Variants in GEN1 observed in about 807,000 individuals in gnomAD.
The protein encoded by GEN1 is flap endonuclease GEN homolog 1.
Under a neutral mutation model 67.6 loss-of-function variants are expected in GEN1, and 64 were observed. The observed-to-expected ratio is 0.95, with a 90% CI of 0.77 to 1.17. The LOEUF (loss-of-function observed/expected upper bound fraction) is 1.17, where lower values mean the gene tolerates loss of function less well. GEN1 is among the 50% of genes most tolerant of loss of function. The pLI is 0.00. For synonymous variants in GEN1, 371 were observed against 359.4 expected, an observed-to-expected ratio of 1.03 and a Z score of -0.37; for missense variants, 1,058 against 1,048.3, an observed-to-expected ratio of 1.01 and a Z score of -0.13.
chr2:17,766,178 C>G (rs1189340179), intron 4 of GEN1, among the ~76,000 whole-genome samples: 1 of 151,682 alleles, frequency 6.6e-6, no homozygotes, highest in African/African-American at 2.4e-5. Flanking sequence ...AACTTTTTTT[C>G]TTTTTTTGAG....
chr2:17,778,226 A>C, intron 12 of GEN1, among the ~76,000 whole-genome samples, 163 bp downstream of exon 12: 1 of 145,804 alleles, frequency 6.9e-6, no homozygotes, highest in African/African-American at 2.6e-5. Context: ...GTATACACAC[A>C]CATATATGTG....
At chr2:17,754,519 C>T (rs964658064) in intron 1 of GEN1, 174 bp downstream of exon 1, 1 of 152,210 alleles carries the variant, frequency 6.6e-6, no homozygotes, top group Admixed American at 6.5e-5. Flanking sequence ...CGACTTGGCC[C>T]CTGTTTTCCA....
upstream of GEN1, among the ~76,000 whole-genome samples, chr2:17,753,338 T>G (rs1671176387): frequency 6.6e-6 from 1 of 151,708 alleles, no homozygotes; most frequent in African/African-American, 2.4e-5. Context: ...GACGGCCGCC[T>G]GGGAGGGGAC....
At chr2:17,765,213 T>G in intron 4 of GEN1, 140 bp downstream of exon 4, 1 of 696,156 alleles carries the variant, frequency 1.4e-6, no homozygotes, top group South Asian at 2.0e-5. Context: ...CTTACTGTTA[T>G]TAAAAATCAT....
In GEN1 at chr2:17,781,336, T is replaced by G; in HGVS notation, c.2124T>G (p.Ile708Met). Reference sequence around the variant, plus strand: ...TACTTAGTGTAAAAGAATCTTGTATTGCTAACAGTGGTTCTGATTGTACAT... The same window carrying G: ...TACTTAGTGTAAAAGAATCTTGTATGGCTAACAGTGGTTCTGATTGTACAT... ...LSILSVKESCIANSGSDCTSH... is the reference protein window; with the variant it reads ...LSILSVKESCMANSGSDCTSH... Residue 708 changes from isoleucine to methionine, a missense_variant, in exon 14 of 14, where the codon ATT (isoleucine) becomes ATG (methionine). Physicochemically the swap from Ile to Met is conservative, Grantham distance 10. Coordinates refer to ENST00000381254, the MANE Select transcript of GEN1 (RefSeq NM_001130009.3). 1.2e-6 allele frequency: 2 copies of G among 1,613,822 alleles called. No individual in the cohort carries two copies. Among genetic ancestry groups the G allele is most frequent in the Non-Finnish European group, 1.7e-6 (2 of 1,179,768 alleles).
intron 13 of GEN1, 96 bp from the exon 14 acceptor site, chr2:17,780,525 T>C (rs770789752): frequency 2.6e-6 from 2 of 769,798 alleles, no homozygotes; most frequent in Admixed American, 3.0e-5. Flanking sequence ...AAACTATTCA[T>C]AGAGATTTCT....
chr2:17,783,696 G>A lies in GEN1; in HGVS notation c.*1757G>A, dbSNP rs760378093. On this transcript the variant is annotated 3_prime_UTR_variant, in exon 14 of 14. Transcript: ENST00000381254. ...GAGAATTCAGAAAAAAAGCCTTCAC[G>A]TTTATGGTCAGTTGATTTTAAACCA... 2 of 152,186 alleles carry A rather than the reference G, an allele frequency of 1.3e-5. No homozygotes were observed. The highest frequency in any genetic ancestry group is 6.5e-5 in the Admixed American group (1 of 15,278). The allele number at this position is 152,186 out of a possible 1,614,324, so 9.4% of individuals were successfully genotyped here. A position where few individuals can be genotyped will look rare whatever the true frequency, so the allele number is the denominator to read the frequency against.
In GEN1 at chr2:17,756,097, A is replaced by G. The variant is rs74642330; in HGVS notation, c.-16+1752A>G. ...TCAAATATTAAATACTAGATTACAG[A>G]TATTAGAATCTTGTAATGCATCTGG... On this transcript the variant is annotated intron_variant, in intron 1 of 13. Transcript: ENST00000381254. Among the ~76,000 whole-genome samples, 974 of 152,276 alleles carry G rather than the reference A, an allele frequency of 6.4e-3. 5 individuals carry two copies. The highest frequency in any genetic ancestry group is 0.022 in the African/African-American group (931 of 41,566).
Position 17,766,643 on chromosome 2 carries a change from C to T in GEN1, c.590C>T (p.Ala197Val). ...IKSKLGLDRD[A>V]LVGLAILLGC... is the part of the protein sequence containing the mutation. ...AGTAAACTAGGTTTGGATAGAGATG[C>T]TCTGGTTGGATTAGCAATACTTCTT... The change falls in exon 5 of 14, where the codon GCT (alanine) becomes GTT (valine). Residue 197 changes from alanine (A) to valine (V), a missense_variant. Coordinates refer to ENST00000381254, the MANE Select transcript of GEN1 (RefSeq NM_001130009.3). 1.2e-6 allele frequency: 2 copies of T among 1,609,186 alleles called. No individual in the cohort carries two copies. Among genetic ancestry groups the T allele is most frequent in the South Asian group, 2.2e-5 (2 of 90,840 alleles).
intron 1 of GEN1, among the ~76,000 whole-genome samples, chr2:17,759,337 C>T (rs938963204): frequency 2.0e-5 from 3 of 152,204 alleles, no homozygotes; most frequent in African/African-American, 4.8e-5. Context: ...ATGTCATGTA[C>T]GTGGAAAAAG....
intron 13 of GEN1, among the ~76,000 whole-genome samples, chr2:17,780,354 T>C (rs924096484): frequency 1.3e-5 from 2 of 152,256 alleles, no homozygotes; most frequent in African/African-American, 4.8e-5. Context: ...ATAATAGTTA[T>C]ACTGACTAGT....
At chr2:17,772,579 A>C (rs1300682282) in intron 7 of GEN1, 55 bp from the exon 8 acceptor site, 1 of 1,500,914 alleles carries the variant, frequency 6.7e-7, no homozygotes, top group East Asian at 2.3e-5. Flanking sequence ...GAATGTATGT[A>C]GAAAGTAATT....
chr2:17,777,957 A>G (rs1404253665), intron 11 of GEN1, 45 bp from the exon 12 acceptor site: 1 of 1,115,562 alleles, frequency 9.0e-7, no homozygotes, highest in East Asian at 2.4e-5. Flanking sequence ...AAAATTTCCA[A>G]ATATCTTATG....
chr2:17,778,266 G>A lies in GEN1; in HGVS notation c.1264+203G>A, dbSNP rs1480051175. Among the ~76,000 whole-genome samples, 7 of 101,392 alleles carry A rather than the reference G, an allele frequency of 6.9e-5. 3 individuals carry two copies. The highest frequency in any genetic ancestry group is 3.0e-4 in the Admixed American group (3 of 10,036). The allele number at this position is 101,392 out of a possible 152,430, so 66.5% of individuals were successfully genotyped here. ...CATATATGTATACACACATATGTGTGTACATATATGTATATACACACACAT... is the reference window on the plus strand; with the variant it reads ...CATATATGTATACACACATATGTGTATACATATATGTATATACACACACAT... On this transcript the variant is annotated intron_variant, in intron 12 of 13. Transcript: ENST00000381254.
At chr2:17,762,957 GAT>G (rs1273084620) in intron 3 of GEN1, among the ~76,000 whole-genome samples, 5 of 152,154 alleles carry the variant, frequency 3.3e-5, no homozygotes, top group African/African-American at 1.2e-4. Context: ...CAACAACAAA[GAT>G]ATTTAATATG....
intron 5 of GEN1, among the ~76,000 whole-genome samples, chr2:17,767,609 G>A (rs1350104811): frequency 6.6e-6 from 1 of 152,036 alleles, no homozygotes; most frequent in Non-Finnish European, 1.5e-5. Flanking sequence ...AGTAAAAGAC[G>A]ATTTCCTAAA....
intron 10 of GEN1, 62 bp from the exon 11 acceptor site, chr2:17,774,209 T>A: frequency 1.2e-6 from 1 of 869,558 alleles, no homozygotes; most frequent in Non-Finnish European, 1.7e-6. Flanking sequence ...TAATATCACC[T>A]AGGAGTGCTA....
intron 1 of GEN1, among the ~76,000 whole-genome samples, chr2:17,756,525 A>G (rs1408337261): frequency 6.6e-6 from 1 of 152,210 alleles, no homozygotes; most frequent in African/African-American, 2.4e-5. Flanking sequence ...TTAAAATTTT[A>G]CCATAGTAAA....
chr2:17,774,951 A>G (rs2125153290), intron 11 of GEN1, among the ~76,000 whole-genome samples: 1 of 152,330 alleles, frequency 6.6e-6, no homozygotes, highest in South Asian at 2.1e-4. Flanking sequence ...CCCACTGGAA[A>G]TTACTCAAAG....
Sources: allele counts gnomAD v4.1 joint callset (sites outside exome capture counted in the v4.1 genomes callset), GRCh38; gene constraint gnomAD v4.1.1; transcripts MANE v1.5; gene names NCBI Gene and HGNC (gene_info 2026-07-23, HGNC 2026-07-21).